CELSR1: variants seen among roughly 807,000 people sequenced by gnomAD.
CELSR1 encodes the protein adhesion G protein-coupled receptor C1.
Under a neutral mutation model 249.1 loss-of-function variants are expected in CELSR1, and 110 were observed. That is an observed-to-expected ratio of 0.44 (90% CI 0.38 to 0.52). CELSR1 has a LOEUF of 0.52. Ranked by LOEUF, CELSR1 falls within the 20% of genes least tolerant of loss-of-function variation. CELSR1 has a pLI of 0.00. For missense variants in CELSR1, 4,109 were observed against 4,296.4 expected, an observed-to-expected ratio of 0.96 and a Z score of 1.22; for synonymous variants, 2,113 against 1,900.0, an observed-to-expected ratio of 1.11 and a Z score of -2.92.
chr22:46,457,786 G>A (rs971241356), intron 2 of CELSR1, among the ~76,000 whole-genome samples: 5 of 152,322 alleles, frequency 3.3e-5, no homozygotes, highest in East Asian at 3.9e-4. Context: ...ATACCTCGGC[G>A]TCCCCTAGGA....
At chr22:46,392,534 T>G (rs1395454948) in intron 14 of CELSR1, among the ~76,000 whole-genome samples, 1 of 152,176 alleles carries the variant, frequency 6.6e-6, no homozygotes, top group Non-Finnish European at 1.5e-5. Flanking sequence ...TCTTTATGGG[T>G]TTTTATTACA....
intron 1 of CELSR1, among the ~76,000 whole-genome samples, chr22:46,515,991 AC>A (rs2080623454): frequency 6.6e-6 from 1 of 152,236 alleles, no homozygotes; most frequent in Non-Finnish European, 1.5e-5. Flanking sequence ...AAACAGGAAC[AC>A]TTTTACACTG....
chr22:46,483,385 C>CTTTTTTTTTTTTT, intron 1 of CELSR1, among the ~76,000 whole-genome samples: 1 of 81,212 alleles, frequency 1.2e-5, no homozygotes, highest in Non-Finnish European at 2.2e-5. Flanking sequence ...CTATTCCTGA[C>CTTTTTTTTTTTTT]TTTTTTTTTT....
In CELSR1 at chr22:46,446,520, G is replaced by A. The variant is rs2079822770; in HGVS notation, c.4184-7109C>T. Among the ~76,000 whole-genome samples, 1 of 152,172 alleles carries A rather than the reference G, an allele frequency of 6.6e-6. No individual in the cohort carries two copies. Among genetic ancestry groups the A allele is most frequent in the South Asian group, 2.1e-4 (1 of 4,834 alleles). On this transcript the variant is annotated intron_variant, in intron 2 of 34. Coordinates refer to ENST00000674500, the MANE Select transcript of CELSR1 (RefSeq NM_001378328.1). This position sits in a 1 kb window ranked among gnomAD's most constrained non-coding sequence, Gnocchi z 5.5. ...ACAGGGTCTGTTTGGGGGCCAGTCT[G>A]AGACTGTCAGGCACACAGCGAGTGC...
chr22:46,388,154 G>A (rs1001669099), intron 18 of CELSR1, among the ~76,000 whole-genome samples: 11 of 152,160 alleles, frequency 7.2e-5, no homozygotes, highest in African/African-American at 2.7e-4. Context: ...TTCGAGACCA[G>A]CCTGGCCAAC....
chr22:46,368,707 G>A (rs551434479), intron 27 of CELSR1, among the ~76,000 whole-genome samples: 28 of 152,090 alleles, frequency 1.8e-4, no homozygotes, highest in South Asian at 2.1e-4. Context: ...TTGGGGCCTC[G>A]AAGGTCCCCT....
chr22:46,525,819 C>T (rs1367615249), intron 1 of CELSR1, among the ~76,000 whole-genome samples: 1 of 152,228 alleles, frequency 6.6e-6, no homozygotes, highest in Non-Finnish European at 1.5e-5. Flanking sequence ...TCAAAATGTG[C>T]AGGCACAGGC....
rs761125855 is a variant in CELSR1, at chr22:46,389,276, G to A, written c.6555+14C>T. 2.3e-5 allele frequency: 37 copies of A among 1,601,368 alleles called. No homozygotes were observed. Among genetic ancestry groups the A allele is most frequent in the Non-Finnish European group, 2.8e-5 (33 of 1,179,528 alleles). On this transcript the variant is annotated intron_variant, in intron 18 of 34. Coordinates refer to ENST00000674500, the MANE Select transcript of CELSR1 (RefSeq NM_001378328.1). ...CCGAGTGTCCCCGAGCCAGGGTGGC[G>A]GCCACCCGCCTACCTCGTGAAAGTC...
At chr22:46,466,656 A>C (rs981386164) in intron 1 of CELSR1, among the ~76,000 whole-genome samples, 3 of 152,196 alleles carry the variant, frequency 2.0e-5, no homozygotes, top group Non-Finnish European at 4.4e-5. Context: ...GCTTTGTTAC[A>C]CAGCACCAGA....
intron 3 of CELSR1, 37 bp downstream of exon 3, chr22:46,439,152 A>G (rs764773430): frequency 6.3e-7 from 1 of 1,579,034 alleles, no homozygotes; most frequent in Non-Finnish European, 8.7e-7. Flanking sequence ...CCTTTCCTAA[A>G]GAGACCCCCG....
Position 46,408,398 on chromosome 22 carries a change from C to G in CELSR1, c.5226+598G>C, listed in dbSNP as rs2079291016. Among the ~76,000 whole-genome samples the G allele has an allele frequency of 6.6e-6, 1 of 152,164 alleles. No individual in the cohort carries two copies. ...CCAGACTGGAGTGTGGTGACACGTT[C>G]TCGGGTCACTGCAACCTCCGCCTTC... On this transcript the variant is annotated intron_variant, in intron 9 of 34. Transcript: ENST00000674500. The surrounding 1 kb of genome is among the most constrained non-coding windows in gnomAD (Gnocchi z 4.6).
At chr22:46,483,987 A>T (rs1008993393) in intron 1 of CELSR1, among the ~76,000 whole-genome samples, 2 of 152,234 alleles carry the variant, frequency 1.3e-5, no homozygotes, top group Non-Finnish European at 2.9e-5. Context: ...CAGGCTCAGA[A>T]GCCACATCCC....
rs2079296073 is a variant in CELSR1, at chr22:46,408,788, C to T, written c.5226+208G>A. Among the ~76,000 whole-genome samples, 1 of 152,204 alleles carries T rather than the reference C, an allele frequency of 6.6e-6. No individual in the cohort carries two copies. Among genetic ancestry groups the T allele is most frequent in the African/African-American group, 2.4e-5 (1 of 41,462 alleles). Reference sequence around the variant, plus strand: ...AGCTCTGCTGGGCCCCAGGGTTGGCCCAGCCCCATGCTCCCTCGCTGTCTC... The same window carrying T: ...AGCTCTGCTGGGCCCCAGGGTTGGCTCAGCCCCATGCTCCCTCGCTGTCTC... On this transcript the variant is annotated intron_variant, in intron 9 of 34. Coordinates refer to ENST00000674500, the MANE Select transcript of CELSR1 (RefSeq NM_001378328.1). The surrounding 1 kb of genome is among the most constrained non-coding windows in gnomAD (Gnocchi z 4.6).
rs9615980 is a variant in CELSR1, at chr22:46,395,246, A to T, written c.5844-984T>A. Among the ~76,000 whole-genome samples the T allele has an allele frequency of 0.098, 14,902 of 152,182 alleles. 799 individuals are homozygous for T. The highest frequency in any genetic ancestry group is 0.14 in the African/African-American group (5,751 of 41,518). On this transcript the variant is annotated intron_variant, in intron 13 of 34. Coordinates refer to ENST00000674500, the MANE Select transcript of CELSR1 (RefSeq NM_001378328.1). This position sits in a 1 kb window ranked among gnomAD's most constrained non-coding sequence, Gnocchi z 5.5. ...GTGGCGCCGGGCATGGAGATGCTGGATCAGCCTCTTGGCAACTCCCCCTGC... is the reference window on the plus strand; with the variant it reads ...GTGGCGCCGGGCATGGAGATGCTGGTTCAGCCTCTTGGCAACTCCCCCTGC...
At chr22:46,485,389 G>A (rs2080303166) in intron 1 of CELSR1, among the ~76,000 whole-genome samples, 1 of 152,044 alleles carries the variant, frequency 6.6e-6, no homozygotes, top group Non-Finnish European at 1.5e-5. Context: ...CCCTCTCCCT[G>A]AGGCTAATGA....
In CELSR1 at chr22:46,468,968, C is replaced by G. The variant is rs553491706; in HGVS notation, c.3545-4623G>C. 6.6e-6 allele frequency among the ~76,000 whole-genome samples: 1 copy of G among 152,022 alleles called. No homozygotes were observed. Among genetic ancestry groups the G allele is most frequent in the African/African-American group, 2.4e-5 (1 of 41,396 alleles). The stretch of plus-strand genomic sequence containing the variant: ...GCACGTGCCTGTAGTCTCAGCTACT[C>G]GGAAGGCTGAGGCTTGAGAATCGCT... On this transcript the variant is annotated intron_variant, in intron 1 of 34. Transcript: ENST00000674500. The surrounding 1 kb of genome is among the most constrained non-coding windows in gnomAD (Gnocchi z 4.5).
rs372118928 is a variant in CELSR1, at chr22:46,527,925, A to G, written c.3544+5702T>C. On this transcript the variant is annotated intron_variant, in intron 1 of 34. Transcript: ENST00000674500. This position sits in a 1 kb window ranked among gnomAD's most constrained non-coding sequence, Gnocchi z 5.5. ...AGCCTGGCCAGCATGGTGAAACCCCATCTCTACAAAAATACAAAAATTAGC... is the reference window on the plus strand; with the variant it reads ...AGCCTGGCCAGCATGGTGAAACCCCGTCTCTACAAAAATACAAAAATTAGC... 1.2e-4 allele frequency among the ~76,000 whole-genome samples: 18 copies of G among 152,174 alleles called. No individual in the cohort carries two copies. The highest frequency in any genetic ancestry group is 1.2e-3 in the East Asian group (6 of 5,160).
intron 2 of CELSR1, among the ~76,000 whole-genome samples, chr22:46,456,660 CT>C (rs1237089617): frequency 3.2e-5 from 2 of 62,556 alleles, no homozygotes; most frequent in African/African-American, 8.8e-5. Context: ...GAGACTCTGT[CT>C]AAAAAAAAAA....
In CELSR1 at chr22:46,365,316, T is replaced by C; in HGVS notation, c.8469A>G (p.Ser2823=). 1 of 1,612,954 alleles carries C rather than the reference T, an allele frequency of 6.2e-7. No homozygotes were observed. Among genetic ancestry groups the C allele is most frequent in the Non-Finnish European group, 8.5e-7 (1 of 1,179,942 alleles). ...LDEQSSSYAS[S]HSSDSEDDGV... is the part of the protein sequence containing the mutation. Reference sequence around the variant, plus strand: ...CATCGTCCTCGCTGTCTGACGAGTGTGAGGAGGCGTAAGAGCTGCTCTGCT... The same window carrying C: ...CATCGTCCTCGCTGTCTGACGAGTGCGAGGAGGCGTAAGAGCTGCTCTGCT... Residue 2823 remains serine, a synonymous_variant, in exon 32 of 35, where the codon TCA becomes TCG. Coordinates refer to ENST00000674500, the MANE Select transcript of CELSR1 (RefSeq NM_001378328.1).
Sources: allele counts gnomAD v4.1 joint callset (sites outside exome capture counted in the v4.1 genomes callset), GRCh38; gene constraint gnomAD v4.1.1; non-coding constraint Gnocchi (gnomAD v3.1); transcripts MANE v1.5; gene names NCBI Gene and HGNC (gene_info 2026-07-23, HGNC 2026-07-21).